Variants in RANBP10 observed in about 807,000 individuals in gnomAD.
RANBP10 encodes the protein RAN binding protein 10.
RANBP10 carries 24 observed loss-of-function variants against 72.8 expected under a neutral mutation model. The observed-to-expected ratio is 0.33, with a 90% CI of 0.24 to 0.46. The LOEUF (loss-of-function observed/expected upper bound fraction) is 0.46. Among genes scored for constraint, RANBP10 ranks in the 20% least tolerant of loss-of-function variants. The probability of loss-of-function intolerance (pLI) is 1.00; values close to 1 mark genes in which losing one functional copy is unlikely to be tolerated. For synonymous variants in RANBP10, 310 were observed against 322.3 expected (o/e 0.96, Z 0.41); for missense variants, 679 against 817.5 (o/e 0.83, Z 2.07).
At chr16:67,736,225 G>A (rs974279411) in intron 5 of RANBP10, among the ~76,000 whole-genome samples, 4 of 151,956 alleles carry the variant, frequency 2.6e-5, no homozygotes, top group Non-Finnish European at 4.4e-5. Context: ...GCAATGGCGC[G>A]ATTTCAGCTC....
At position 67,806,493 on chromosome 16, in the gene RANBP10, G is replaced by A. The variant is rs573828528; in HGVS notation, c.44C>T (p.Pro15Leu). The A allele has an allele frequency of 1.1e-5, 17 of 1,536,702 alleles. No homozygotes were observed. The highest frequency in any genetic ancestry group is 1.4e-5 in the Non-Finnish European group (16 of 1,147,994). ...TADPGAGNPQ[P>L]GDSSGGGAGG... ...AGCGCCCCCGCCGGAGGAGTCCCCA[G>A]GCTGCGGGTTCCCAGCTCCCGGGTC... is the stretch of plus-strand genomic sequence containing the variant. The change falls in exon 1 of 14, where the codon CCT becomes CTT. Residue 15 changes from proline to leucine, a missense_variant. Coordinates refer to ENST00000317506, the MANE Select transcript of RANBP10 (RefSeq NM_020850.3).
intron 2 of RANBP10, among the ~76,000 whole-genome samples, chr16:67,779,368 G>C (rs1309615144): frequency 6.6e-6 from 1 of 150,860 alleles, no homozygotes; most frequent in Non-Finnish European, 1.5e-5. Flanking sequence ...CTGCACTCCA[G>C]CCTGGGTGAC....
intron 5 of RANBP10, among the ~76,000 whole-genome samples, chr16:67,737,580 C>A (rs900105166): frequency 1.3e-5 from 2 of 152,086 alleles, no homozygotes; most frequent in African/African-American, 4.8e-5. Context: ...TAGATAGTAG[C>A]AGATGAGTTC....
rs2053592800 is a variant in RANBP10 at position 67,726,121 on chromosome 16, A to C, written c.*307T>G. The C allele has an allele frequency of 3.1e-6, 1 of 318,612 alleles. No individual in the cohort carries two copies. Among genetic ancestry groups the C allele is most frequent in the African/African-American group, 2.2e-5 (1 of 45,574 alleles). The allele number at this position is 318,612 out of a possible 1,614,324, so 19.7% of individuals were successfully genotyped here. On this transcript the variant is annotated 3_prime_UTR_variant, in exon 14 of 14. Transcript: ENST00000317506. ...TACTGGTGGCTCAGTCAGGAGAAAAAAATTTAAAAACCCCAACCCCTCCTC... is the reference window on the plus strand; with the variant it reads ...TACTGGTGGCTCAGTCAGGAGAAAACAATTTAAAAACCCCAACCCCTCCTC...
chr16:67,776,458 T>A (rs2054707239), intron 2 of RANBP10, among the ~76,000 whole-genome samples: 4 of 79,474 alleles, frequency 5.0e-5, no homozygotes, highest in South Asian at 4.8e-4. Context: ...ACGGACTCCA[T>A]CTCAAAAAAA....
chr16:67,790,027 C>T (rs145903581), intron 2 of RANBP10, among the ~76,000 whole-genome samples: 22 of 150,850 alleles, frequency 1.5e-4, no homozygotes, highest in African/African-American at 5.1e-4. Context: ...ACCTGGGAGG[C>T]GGAGGTTGCA....
chr16:67,747,493 TTTTGTTTG>T (rs968219239), intron 3 of RANBP10, among the ~76,000 whole-genome samples: 1 of 152,088 alleles, frequency 6.6e-6, no homozygotes, highest in Non-Finnish European at 1.5e-5. Flanking sequence ...TTATCATCAT[TTTTGTTTG>T]TTTGTTTGTT....
chr16:67,770,647 T>C (rs144185234), intron 3 of RANBP10, among the ~76,000 whole-genome samples: 5 of 152,254 alleles, frequency 3.3e-5, no homozygotes, highest in African/African-American at 4.8e-5. Context: ...AAGGGACCAA[T>C]GGACTTAAGA....
At chr16:67,763,820 G>A (rs986206222) in intron 3 of RANBP10, among the ~76,000 whole-genome samples, 2 of 152,148 alleles carry the variant, frequency 1.3e-5, no homozygotes, top group East Asian at 1.9e-4. Context: ...TCAGCCTCCC[G>A]AGTAGCTAGG....
Position 67,728,372 on chromosome 16 carries a change from C to T in RANBP10, c.1474+18G>A, listed in dbSNP as rs200752230. On this transcript the variant is annotated intron_variant, in intron 11 of 13. Transcript: ENST00000317506. ...CACACTGCCCTCAAAGAATAGCACA[C>T]CGGGCCGTGGCTCTCACCCATGCTG... 3 of 1,612,494 alleles carry T rather than the reference C, an allele frequency of 1.9e-6. No individual in the cohort carries two copies. Among genetic ancestry groups the T allele is most frequent in the East Asian group, 2.2e-5 (1 of 44,818 alleles).
At chr16:67,738,121 GGGTAGTTGTTTTTTTT>G in intron 4 of RANBP10, 86 bp from the exon 5 acceptor site, 1 of 1,397,160 alleles carries the variant, frequency 7.2e-7, no homozygotes, top group East Asian at 2.6e-5. Flanking sequence ...TGCTAGGGCC[GGGTAGTTGTTTTTTTT>G]GGTTTGTTGT....
rs891263806 is a variant in RANBP10, at chr16:67,729,370, G to C, written c.1262C>G (p.Ser421Cys). Residue 421 changes from serine (S) to cysteine (C), a missense_variant, in exon 10 of 14, where the codon TCT (serine) becomes TGT (cysteine). Coordinates refer to ENST00000317506, the MANE Select transcript of RANBP10 (RefSeq NM_020850.3). This position sits in a 1 kb window ranked among gnomAD's most constrained non-coding sequence, Gnocchi z 7.1. ...GGAGTAATTGACGGAGGATGGGGAAGAGGACGAGGAGGAGGAGGAGGACGA... is the reference window on the plus strand; with the variant it reads ...GGAGTAATTGACGGAGGATGGGGAACAGGACGAGGAGGAGGAGGAGGACGA... ...SSSSSSSSSS[S>C]SPSSVNYSES... 1 of 1,613,160 alleles carries C rather than the reference G, an allele frequency of 6.2e-7. No individual in the cohort carries two copies. Among genetic ancestry groups the C allele is most frequent in the Non-Finnish European group, 8.5e-7 (1 of 1,179,504 alleles).
At chr16:67,789,899 T>C (rs2054992202) in intron 2 of RANBP10, among the ~76,000 whole-genome samples, 1 of 151,522 alleles carries the variant, frequency 6.6e-6, no homozygotes, top group South Asian at 2.1e-4. Flanking sequence ...GAGTTCAAGA[T>C]CAATCTGACC....
chr16:67,798,584 A>T (rs1330818345), intron 2 of RANBP10, among the ~76,000 whole-genome samples: 1 of 152,232 alleles, frequency 6.6e-6, no homozygotes, highest in Non-Finnish European at 1.5e-5. Flanking sequence ...GGGAGCTGGC[A>T]AAACCAAAAT....
intron 4 of RANBP10, among the ~76,000 whole-genome samples, chr16:67,742,058 A>G (rs112760373): frequency 3.9e-5 from 6 of 152,082 alleles, no homozygotes; most frequent in African/African-American, 1.4e-4. Flanking sequence ...TATGAGCTTC[A>G]GGAACTAAGT....
chr16:67,779,773 G>A (rs1271649000), intron 2 of RANBP10, among the ~76,000 whole-genome samples: 2 of 152,200 alleles, frequency 1.3e-5, no homozygotes, highest in Non-Finnish European at 2.9e-5. Flanking sequence ...AAGGGTGGGG[G>A]CCTGGGCTCA....
intron 4 of RANBP10, among the ~76,000 whole-genome samples, chr16:67,743,858 C>T (rs531727218): frequency 1.3e-4 from 20 of 152,348 alleles, no homozygotes; most frequent in African/African-American, 4.8e-4. Context: ...CCCTATCTGA[C>T]TCCCACCTGT....
rs1359227478 is a variant in RANBP10 at position 67,744,304 on chromosome 16, C to T, written c.552G>A (p.Lys184=). The T allele has an allele frequency of 2.0e-5, 33 of 1,614,054 alleles. No individual in the cohort carries two copies. The highest frequency in any genetic ancestry group is 2.8e-5 in the Non-Finnish European group (33 of 1,180,000). ...NLINGTCFYT[K]NGHSLGIAFT... ...TGCACACACCAAGGCTGTGGCCATT[C>T]TTGGTGTAGAAGCAGGTGCCATTGA... The change falls in exon 4 of 14, where the codon AAG becomes AAA. Residue 184 remains lysine, a synonymous_variant. Coordinates refer to ENST00000317506, the MANE Select transcript of RANBP10 (RefSeq NM_020850.3).
At chr16:67,798,460 ATATCT>A (rs1478106980) in intron 2 of RANBP10, among the ~76,000 whole-genome samples, 1 of 152,182 alleles carries the variant, frequency 6.6e-6, no homozygotes, top group Non-Finnish European at 1.5e-5. Flanking sequence ...CTTAATCAAG[ATATCT>A]TAATTAACAG....
Sources: gnomAD v4.1 joint callset for allele counts (sites outside exome capture counted in the v4.1 genomes callset) on GRCh38, gnomAD v4.1.1 for gene constraint, Gnocchi (gnomAD v3.1) non-coding constraint, MANE v1.5 for transcripts, NCBI Gene and HGNC (gene_info 2026-07-23, HGNC 2026-07-21) for gene names.